WARS1: variants seen among roughly 807,000 people sequenced by gnomAD.
WARS1 encodes the protein tryptophanyl-tRNA synthetase 1.
In WARS1, 17 loss-of-function variants were observed where a neutral mutation model predicts 47.8. That is an observed-to-expected ratio of 0.36 (90% CI 0.24 to 0.53). The LOEUF (loss-of-function observed/expected upper bound fraction) is 0.53. WARS1 is among the 20% of genes least tolerant of loss of function. The pLI is 0.91. For synonymous variants in WARS1, 208 were observed against 228.1 expected, an observed-to-expected ratio of 0.91 and a Z score of 0.79; for missense variants, 434 against 608.0, an observed-to-expected ratio of 0.71 and a Z score of 3.01.
At chr14:100,372,807 G>C (rs192369741) in intron 1 of WARS1, among the ~76,000 whole-genome samples, 3 of 152,294 alleles carry the variant, frequency 2.0e-5, no homozygotes, top group Admixed American at 2.0e-4. Context: ...AGCTAAGCCA[G>C]AATCTGATTC....
At chr14:100,340,681 C>G (rs965304104) in intron 9 of WARS1, 1 of 152,084 alleles carries the variant, frequency 6.6e-6, no homozygotes, top group African/African-American at 2.4e-5. Flanking sequence ...GCAGATGTGC[C>G]CTCTCTTTTC....
intron 1 of WARS1, among the ~76,000 whole-genome samples, chr14:100,372,024 C>T (rs759075131): frequency 1.3e-5 from 2 of 152,188 alleles, no homozygotes; most frequent in Non-Finnish European, 2.9e-5. Context: ...CTTCTCCTTG[C>T]TCATCCTGGC....
At chr14:100,371,016 A>T (rs1896315903) in intron 1 of WARS1, among the ~76,000 whole-genome samples, 1 of 152,046 alleles carries the variant, frequency 6.6e-6, no homozygotes, top group Admixed American at 6.5e-5. Context: ...TGCGTTATAG[A>T]CTCTAGTAGT....
intron 2 of WARS1, 140 bp downstream of exon 2, chr14:100,368,947 G>T: frequency 2.1e-6 from 1 of 476,042 alleles, no homozygotes; most frequent in South Asian, 4.7e-5. Context: ...GGAAACAAGA[G>T]TGAAATTCCC....
chr14:100,343,426 T>C, intron 7 of WARS1, 39 bp from the exon 8 acceptor site: 23 of 1,332,708 alleles, frequency 1.7e-5, no homozygotes, highest in African/African-American at 2.9e-5. Context: ...GTGAGATGAG[T>C]TCCTGTTCTG....
chr14:100,357,743 A>C (rs1019904874), intron 4 of WARS1, among the ~76,000 whole-genome samples: 2 of 152,188 alleles, frequency 1.3e-5, no homozygotes, highest in Non-Finnish European at 2.9e-5. Context: ...TTACAGGTGT[A>C]AGCCACCGTG....
Position 100,337,031 on chromosome 14 carries a change from C to A in WARS1, c.1254+31G>T, listed in dbSNP as rs199665602. 18 of 1,599,688 alleles carry A rather than the reference C, an allele frequency of 1.1e-5. No individual in the cohort carries two copies. The East Asian group carries it at 3.8e-4, about 34-fold the overall frequency. The stretch of plus-strand genomic sequence containing the variant: ...ATGGGCAGGAGTGGGTGGCAGAAGG[C>A]GGCTGTGGGCCCTTGGGGTTCCCTG... On this transcript the variant is annotated intron_variant, in intron 10 of 10. Transcript: ENST00000392882.
chr14:100,368,103 T>C (rs954974574), intron 2 of WARS1, among the ~76,000 whole-genome samples: 2 of 151,912 alleles, frequency 1.3e-5, no homozygotes, highest in African/African-American at 4.8e-5. Context: ...AGGCAGAAGG[T>C]TTTGGGAGAG....
intron 7 of WARS1, 42 bp downstream of exon 7, chr14:100,346,704 A>C (rs781037415): frequency 2.7e-6 from 4 of 1,481,400 alleles, no homozygotes; most frequent in African/African-American, 1.4e-5. Context: ...CTCCTTTTTG[A>C]AGGGTGCAGG....
chr14:100,368,988 A>G, intron 2 of WARS1, 99 bp downstream of exon 2: 1 of 805,080 alleles, frequency 1.2e-6, no homozygotes, highest in Non-Finnish European at 1.8e-6. Context: ...TAACCAAAAC[A>G]CCTCAGTCAT....
chr14:100,374,971 T>C (rs148481825), intron 1 of WARS1: 1 of 152,210 alleles, frequency 6.6e-6, no homozygotes, highest in African/African-American at 2.4e-5. Flanking sequence ...CACGAGACAC[T>C]TTTGGGTGTC....
intron 9 of WARS1, chr14:100,340,491 T>C (rs1894088452): frequency 6.6e-6 from 1 of 152,094 alleles, no homozygotes; most frequent in Non-Finnish European, 1.5e-5. Context: ...TTTTGATTTT[T>C]TTAATTTGAG....
At chr14:100,351,154 A>C (rs1176373013) in intron 6 of WARS1, among the ~76,000 whole-genome samples, 1 of 152,034 alleles carries the variant, frequency 6.6e-6, no homozygotes, top group Non-Finnish European at 1.5e-5. Context: ...GTGGAAGATG[A>C]GATTAGCTCT....
chr14:100,374,401 G>C (rs893510841), intron 1 of WARS1: 13 of 152,220 alleles, frequency 8.5e-5, no homozygotes, highest in African/African-American at 2.2e-4. Flanking sequence ...AAGCTAAAAA[G>C]CCTCTTGAAA....
chr14:100,335,075 C>G (rs1194913513), intron 10 of WARS1, 39 bp from the exon 11 acceptor site: 15 of 1,604,658 alleles, frequency 9.3e-6, no homozygotes, highest in African/African-American at 1.3e-5. Context: ...GATGGCTCCA[C>G]ATGTCCTGAG....
intron 1 of WARS1, among the ~76,000 whole-genome samples, chr14:100,371,447 C>CAAAAAA (rs60977618): frequency 1.9e-4 from 17 of 89,120 alleles, no homozygotes; most frequent in South Asian, 7.5e-4. Context: ...GGTTCTGTCT[C>CAAAAAA]AAAAAAAAAA....
chr14:100,339,116 C>CACAT (rs1893952571), intron 9 of WARS1, among the ~76,000 whole-genome samples: 2 of 35,724 alleles, frequency 5.6e-5, no homozygotes, highest in Admixed American at 4.9e-4. Flanking sequence ...CACACACACA[C>CACAT]ACACACATAC....
rs759112427 is a variant in WARS1, at chr14:100,354,577, AAGG to A, written c.423-14_423-12del. On this transcript the variant is annotated splice_polypyrimidine_tract_variant and intron_variant, in intron 4 of 10. Transcript: ENST00000392882. ...ACCTGATTCATATCTCTAAAGGAAA[AAGG>A]AGAAGAGGAAGAGTGTGATTTTCTG... The A allele has an allele frequency of 3.1e-6, 5 of 1,600,658 alleles. No individual in the cohort carries two copies. Among genetic ancestry groups the A allele is most frequent in the East Asian group, 2.2e-5 (1 of 44,762 alleles).
intron 8 of WARS1, among the ~76,000 whole-genome samples, chr14:100,342,968 G>A (rs796575345): frequency 3.3e-5 from 5 of 152,088 alleles, no homozygotes; most frequent in African/African-American, 9.6e-5. Context: ...ATGCGCTCTC[G>A]CTGCAACCTC....
Sources: gnomAD v4.1 joint callset for allele counts (sites outside exome capture counted in the v4.1 genomes callset) on GRCh38, gnomAD v4.1.1 for gene constraint, MANE v1.5 for transcripts, NCBI Gene and HGNC (gene_info 2026-07-23, HGNC 2026-07-21) for gene names.